VWA5B1: variants seen among roughly 807,000 people sequenced by gnomAD.
The protein encoded by VWA5B1 is von Willebrand factor A domain containing 5B1, also known as von Willebrand factor A domain-containing protein 5B1.
Under a neutral mutation model 118.2 loss-of-function variants are expected in VWA5B1, and 115 were observed. The ratio of observed to expected loss-of-function variants is 0.97; its 90% confidence interval spans 0.84 to 1.14. VWA5B1 has a LOEUF of 1.14. VWA5B1 is among the 50% of genes most tolerant of loss of function. The pLI is 0.00. For missense variants in VWA5B1, 1,596 were observed against 1,603.8 expected (o/e 1.00, Z 0.08); for synonymous variants, 682 against 658.4 (o/e 1.04, Z -0.55).
chr1:20,313,516 A>C (rs2088910381), intron 3 of VWA5B1, among the ~76,000 whole-genome samples: 1 of 152,248 alleles, frequency 6.6e-6, no homozygotes, highest in Non-Finnish European at 1.5e-5. Flanking sequence ...GAGGAAACTG[A>C]GGCTCAGAGA....
chr1:20,352,836 G>A (rs2090156160), intron 21 of VWA5B1, among the ~76,000 whole-genome samples: 1 of 152,226 alleles, frequency 6.6e-6, no homozygotes, highest in Admixed American at 6.5e-5. Context: ...CACTAGGCAT[G>A]TTTTTACTCA....
chr1:20,306,851 C>A (rs2088671317), intron 1 of VWA5B1, among the ~76,000 whole-genome samples: 1 of 152,164 alleles, frequency 6.6e-6, no homozygotes, highest in African/African-American at 2.4e-5. Context: ...TCCAGAGCCT[C>A]AAATCATTCC....
At chr1:20,325,585 A>G (rs574927136) in intron 8 of VWA5B1, among the ~76,000 whole-genome samples, 60 of 152,304 alleles carry the variant, frequency 3.9e-4, no homozygotes, top group Admixed American at 1.8e-3. Context: ...ATGGAAATCC[A>G]CTTCCTGGAC....
chr1:20,291,672 G>A (rs2088308711), intron 1 of VWA5B1, among the ~76,000 whole-genome samples: 1 of 152,206 alleles, frequency 6.6e-6, no homozygotes, highest in East Asian at 1.9e-4. Context: ...CCGGCAGCCG[G>A]GCTCATGCCT....
chr1:20,351,970 A>G (rs1337982762), intron 20 of VWA5B1, 85 bp from the exon 21 acceptor site: 1 of 1,045,848 alleles, frequency 9.6e-7, no homozygotes, highest in Non-Finnish European at 1.4e-6. Flanking sequence ...CATCTATTGC[A>G]TTCCTTCTGA....
At chr1:20,339,045 T>C (rs12125512) in intron 14 of VWA5B1, 29,970 of 152,098 alleles carry the variant, frequency 0.2, 3,240 homozygotes, top group East Asian at 0.39. Context: ...GATAATTTTA[T>C]ATTTGGGGGC....
chr1:20,343,338 C>T lies in VWA5B1; in HGVS notation c.2571C>T (p.Arg857=), dbSNP rs763021827. Residue 857 remains arginine, a synonymous_variant, in exon 16 of 22, where the codon CGC becomes CGT. Coordinates refer to ENST00000289815, the MANE Select transcript of VWA5B1 (RefSeq NM_001039500.3). ...AGACCTTCCACCACCTGGCGGCCCGCGCCATCATCCGCGACTTCGAGCAGC... is the reference window on the plus strand; with the variant it reads ...AGACCTTCCACCACCTGGCGGCCCGTGCCATCATCCGCGACTTCGAGCAGC... The part of the protein sequence containing the change: ...WSETFHHLAA[R]AIIRDFEQLA... 1.3e-6 allele frequency: 2 copies of T among 1,541,928 alleles called. No homozygotes were observed. Among genetic ancestry groups the T allele is most frequent in the Non-Finnish European group, 1.7e-6 (2 of 1,144,998 alleles).
chr1:20,310,129 G>A (rs184350145), intron 1 of VWA5B1, among the ~76,000 whole-genome samples: 104 of 152,214 alleles, frequency 6.8e-4, no homozygotes, highest in African/African-American at 2.2e-3. Context: ...GAGGAGGGAC[G>A]TGGTGAGCTA....
At chr1:20,318,436 A>T in intron 5 of VWA5B1, 154 bp from the exon 6 acceptor site, 1 of 1,045,230 alleles carries the variant, frequency 9.6e-7, no homozygotes, top group Non-Finnish European at 1.4e-6. Flanking sequence ...GGGGAAATTG[A>T]GGCAGCCTGG....
Position 20,317,596 on chromosome 1 carries a change from C to T in VWA5B1, c.630C>T (p.Leu210=), listed in dbSNP as rs893675907. The change falls in exon 5 of 22, where the codon CTC becomes CTT. Residue 210 remains leucine, a synonymous_variant. Coordinates refer to ENST00000289815, the MANE Select transcript of VWA5B1 (RefSeq NM_001039500.3). ...GGAATAAGTTGTGCCTGGCGACTCT[C>T]CTGAACACCGAAGTGTCCAACCCCA... ...GSWNKLCLAT[L]LNTEVSNPME... is the part of the protein sequence containing the mutation. 2 of 1,551,824 alleles carry T rather than the reference C, an allele frequency of 1.3e-6. No homozygotes were observed. Among genetic ancestry groups the T allele is most frequent in the Non-Finnish European group, 1.7e-6 (2 of 1,147,064 alleles).
chr1:20,321,980 C>A (rs147454160), intron 7 of VWA5B1, among the ~76,000 whole-genome samples: 420 of 152,272 alleles, frequency 2.8e-3, no homozygotes, highest in African/African-American at 9.4e-3. Flanking sequence ...TGGCTGCTCT[C>A]TGCAGAATGG....
At chr1:20,352,228 C>A in intron 21 of VWA5B1, 56 bp downstream of exon 21, 1 of 1,333,384 alleles carries the variant, frequency 7.5e-7, no homozygotes, top group Admixed American at 2.2e-5. Context: ...GCAGCAGGGC[C>A]TTCCTGTGAT....
intron 1 of VWA5B1, among the ~76,000 whole-genome samples, chr1:20,303,639 A>T (rs1026639351): frequency 6.6e-6 from 1 of 152,192 alleles, no homozygotes; most frequent in Non-Finnish European, 1.5e-5. Context: ...TCCCAGGGAC[A>T]CTAACCTCAG....
intron 8 of VWA5B1, among the ~76,000 whole-genome samples, chr1:20,325,683 T>C (rs2089357585): frequency 1.3e-5 from 2 of 152,238 alleles, no homozygotes; most frequent in African/African-American, 4.8e-5. Flanking sequence ...CCTTGGAATC[T>C]CTCCTGCCCT....
intron 15 of VWA5B1, among the ~76,000 whole-genome samples, 184 bp downstream of exon 15, chr1:20,342,793 G>A (rs550333304): frequency 6.6e-6 from 1 of 152,280 alleles, no homozygotes; most frequent in South Asian, 2.1e-4. Flanking sequence ...GTTCTTGGGT[G>A]GCCTCTGAGG....
chr1:20,332,499 TA>T (rs1408547277), intron 11 of VWA5B1, among the ~76,000 whole-genome samples: 2 of 140,368 alleles, frequency 1.4e-5, no homozygotes, highest in African/African-American at 5.3e-5. Flanking sequence ...TAAAATAAAA[TA>T]AAATAAAATA....
At chr1:20,303,526 G>A (rs989609702) in intron 1 of VWA5B1, among the ~76,000 whole-genome samples, 1 of 152,198 alleles carries the variant, frequency 6.6e-6, no homozygotes, top group Non-Finnish European at 1.5e-5. Context: ...AGACCTGGAG[G>A]AAGCTAAGGC....
rs182443827 is a variant in VWA5B1 at position 20,342,352 on chromosome 1, A to T, written c.2134-80A>T. On this transcript the variant is annotated intron_variant, in intron 14 of 21. Transcript: ENST00000289815. ...CAGAAGGAAGGAGGGTCCAGCCACC[A>T]GGAGCTCTTCCTCCTCCTTCTCCTC... 3.5e-6 allele frequency: 5 copies of T among 1,445,468 alleles called. No individual in the cohort carries two copies. The East Asian group carries it at 1.0e-4, about 29-fold the overall frequency. The allele number at this position is 1,445,468 out of a possible 1,614,324, so 89.5% of individuals were successfully genotyped here. A position where few individuals can be genotyped will look rare whatever the true frequency, so the allele number is the denominator to read the frequency against.
At chr1:20,333,672 T>C (rs1055159302) in intron 12 of VWA5B1, among the ~76,000 whole-genome samples, 1 of 152,218 alleles carries the variant, frequency 6.6e-6, no homozygotes, top group African/African-American at 2.4e-5. Context: ...TAGATGAGTT[T>C]GTGTTTTATT....
Sources: gnomAD v4.1 joint callset for allele counts (sites outside exome capture counted in the v4.1 genomes callset) on GRCh38, gnomAD v4.1.1 for gene constraint, MANE v1.5 for transcripts, NCBI Gene and HGNC (gene_info 2026-07-23, HGNC 2026-07-21) for gene names.